CSMD3: variants seen among roughly 807,000 people sequenced by gnomAD.
CSMD3 encodes CUB and Sushi multiple domains 3.
In CSMD3, 177 loss-of-function variants were observed where a neutral mutation model predicts 435.2. The observed-to-expected ratio is 0.41, with a 90% CI of 0.36 to 0.46. The LOEUF is 0.46. CSMD3 is among the 20% of genes least tolerant of loss of function. CSMD3 has a pLI of 0.34. For synonymous variants in CSMD3, 1,656 were observed against 1,520.5 expected, an observed-to-expected ratio of 1.09 and a Z score of -2.07; for missense variants, 4,265 against 4,504.6, an observed-to-expected ratio of 0.95 and a Z score of 1.52.
chr8:112,814,105 A>T (rs1215333046), intron 12 of CSMD3, among the ~76,000 whole-genome samples: 3 of 152,192 alleles, frequency 2.0e-5, no homozygotes, highest in Non-Finnish European at 2.9e-5. Context: ...AGTGAGTTCC[A>T]GAAGTTTATA....
chr8:112,915,981 G>A (rs2082560246), intron 10 of CSMD3, among the ~76,000 whole-genome samples: 1 of 151,738 alleles, frequency 6.6e-6, no homozygotes, highest in African/African-American at 2.4e-5. Flanking sequence ...GCAACTGAAA[G>A]GAGACCATAC....
At position 113,396,432 on chromosome 8, in the gene CSMD3, T is replaced by C. The variant is rs148930853; in HGVS notation, c.178+40245A>G. 6.2e-3 allele frequency among the ~76,000 whole-genome samples: 939 copies of C among 152,312 alleles called. 4 individuals are homozygous for C. Among genetic ancestry groups the C allele is most frequent in the Non-Finnish European group, 9.1e-3 (619 of 68,012 alleles). On this transcript the variant is annotated intron_variant, in intron 1 of 70. Transcript: ENST00000297405. ...AATAAGGGTAAGTGTTTCTCCATGT[T>C]CCAAGGTACCAGTCCTATTAAATGT...
At chr8:112,919,391 T>G (rs1199819722) in intron 10 of CSMD3, among the ~76,000 whole-genome samples, 1 of 151,856 alleles carries the variant, frequency 6.6e-6, no homozygotes, top group Non-Finnish European at 1.5e-5. Context: ...ATTTTTGCCT[T>G]TGAACAATTT....
At position 112,821,559 on chromosome 8, in the gene CSMD3, C is replaced by T. The variant is rs145638208; in HGVS notation, c.1859+8127G>A. ...TAGATTCTGAATATTAGATCTTTGT[C>T]GGATTGAAAGATTGTAAACTTTTTT... On this transcript the variant is annotated intron_variant, in intron 12 of 70. Transcript: ENST00000297405. 1.3e-3 allele frequency among the ~76,000 whole-genome samples: 203 copies of T among 152,102 alleles called. 3 individuals carry two copies. In the East Asian group the frequency reaches 0.032, roughly 24 times the overall value.
chr8:112,337,795 T>C (rs1824722636), intron 42 of CSMD3, 64 bp from the exon 43 acceptor site: 2 of 1,279,856 alleles, frequency 1.6e-6, no homozygotes, highest in Admixed American at 4.3e-5. Context: ...GATAGGGTAC[T>C]ACAGCAATTT....
At chr8:113,079,603 C>T (rs1175514855) in intron 5 of CSMD3, among the ~76,000 whole-genome samples, 1 of 151,954 alleles carries the variant, frequency 6.6e-6, no homozygotes, top group East Asian at 1.9e-4. Flanking sequence ...AGGACTGAAA[C>T]CTCAGTCTTC....
At chr8:112,946,058 A>C (rs2083601274) in intron 9 of CSMD3, among the ~76,000 whole-genome samples, 1 of 151,722 alleles carries the variant, frequency 6.6e-6, no homozygotes, top group Non-Finnish European at 1.5e-5. Flanking sequence ...ACTGCACTTG[A>C]AGGTAATTTT....
intron 5 of CSMD3, among the ~76,000 whole-genome samples, chr8:113,072,655 A>G (rs2089175309): frequency 6.6e-6 from 1 of 151,760 alleles, no homozygotes; most frequent in Non-Finnish European, 1.5e-5. Flanking sequence ...TGTGTACTCA[A>G]ATAATCATTT....
intron 16 of CSMD3, among the ~76,000 whole-genome samples, chr8:112,678,326 C>T (rs1277736520): frequency 7.9e-5 from 12 of 152,100 alleles, no homozygotes; most frequent in Admixed American, 7.9e-4. Flanking sequence ...CATTTTCTGC[C>T]TGTGTGTTAA....
At chr8:112,885,121 G>T (rs1232940059) in intron 10 of CSMD3, among the ~76,000 whole-genome samples, 1 of 151,582 alleles carries the variant, frequency 6.6e-6, no homozygotes, top group Non-Finnish European at 1.5e-5. Flanking sequence ...GCCTCTTGAG[G>T]ACAATTACCA....
chr8:112,502,528 G>C (rs1362747393), intron 30 of CSMD3, among the ~76,000 whole-genome samples: 1 of 152,178 alleles, frequency 6.6e-6, no homozygotes, highest in African/African-American at 2.4e-5. Context: ...ACTGACTTGT[G>C]AGTTTCATTT....
intron 31 of CSMD3, among the ~76,000 whole-genome samples, chr8:112,485,491 T>C (rs559999548): frequency 6.6e-6 from 1 of 152,230 alleles, no homozygotes. Context: ...GATAATGGAA[T>C]GAGACTCTAG....
chr8:112,864,409 C>T (rs2080916108), intron 10 of CSMD3, among the ~76,000 whole-genome samples: 1 of 151,852 alleles, frequency 6.6e-6, no homozygotes, highest in Admixed American at 6.6e-5. Context: ...CCACCATGCC[C>T]GGTTCATTTT....
intron 13 of CSMD3, among the ~76,000 whole-genome samples, chr8:112,750,473 T>C (rs2077542848): frequency 6.6e-6 from 1 of 152,000 alleles, no homozygotes; most frequent in South Asian, 2.1e-4. Flanking sequence ...AACTTGATGA[T>C]AATAAATTCT....
chr8:112,256,441 A>C (rs1160750153), intron 61 of CSMD3, among the ~76,000 whole-genome samples: 1 of 152,164 alleles, frequency 6.6e-6, no homozygotes, highest in Non-Finnish European at 1.5e-5. Flanking sequence ...CAAAATACTT[A>C]GCCATGATGA....
intron 13 of CSMD3, among the ~76,000 whole-genome samples, chr8:112,772,658 AG>A (rs770435288): frequency 6.6e-6 from 1 of 152,012 alleles, no homozygotes; most frequent in Non-Finnish European, 1.5e-5. Flanking sequence ...TGGAGATAAG[AG>A]GAAGGCATCT....
intron 31 of CSMD3, among the ~76,000 whole-genome samples, chr8:112,485,461 A>G (rs1281888066): frequency 6.6e-6 from 1 of 152,128 alleles, no homozygotes; most frequent in Non-Finnish European, 1.5e-5. Flanking sequence ...ATATTAGATT[A>G]GATAATCTCT....
At chr8:113,321,088 G>A (rs1426855242) in intron 1 of CSMD3, among the ~76,000 whole-genome samples, 1 of 151,834 alleles carries the variant, frequency 6.6e-6, no homozygotes, top group Non-Finnish European at 1.5e-5. Context: ...CCTATTTTAA[G>A]AGCAACCAGT....
intron 6 of CSMD3, among the ~76,000 whole-genome samples, chr8:112,988,672 C>G (rs1041053736): frequency 1.3e-5 from 2 of 151,988 alleles, no homozygotes; most frequent in Non-Finnish European, 2.9e-5. Context: ...CTTCTCCAAT[C>G]TTCAGAAAAT....
Sources: allele counts gnomAD v4.1 joint callset (sites outside exome capture counted in the v4.1 genomes callset), GRCh38; gene constraint gnomAD v4.1.1; transcripts MANE v1.5; gene names NCBI Gene and HGNC (gene_info 2026-07-23, HGNC 2026-07-21).